The following EPHA6 variants were observed in gnomAD, a reference collection of about 807,000 sequenced individuals.
The protein encoded by EPHA6 is ephrin type-A receptor 6.
A neutral mutation model predicts 112.0 loss-of-function variants in EPHA6; 50 were observed. That is an observed-to-expected ratio of 0.45 (90% CI 0.36 to 0.56). The LOEUF (loss-of-function observed/expected upper bound fraction) is 0.56, where lower values mean the gene tolerates loss of function less well. Among genes scored for constraint, EPHA6 ranks in the 20% least tolerant of loss-of-function variants. The pLI is 0.00. For missense variants in EPHA6, 1,280 were observed against 1,417.4 expected (o/e 0.90, Z 1.56); for synonymous variants, 529 against 490.7 (o/e 1.08, Z -1.03).
chr3:96,843,156 G>T (rs2034852793), intron 1 of EPHA6, among the ~76,000 whole-genome samples: 2 of 151,974 alleles, frequency 1.3e-5, no homozygotes, highest in African/African-American at 4.8e-5. Context: ...TTGTACATGG[G>T]GTTATTACTG....
At chr3:96,857,373 A>G (rs1018408724) in intron 1 of EPHA6, among the ~76,000 whole-genome samples, 6 of 152,144 alleles carry the variant, frequency 3.9e-5, no homozygotes, top group Admixed American at 2.6e-4. Context: ...TCTTTTCTCT[A>G]TATTGAAGCC....
intron 3 of EPHA6, among the ~76,000 whole-genome samples, chr3:97,173,697 G>A (rs1392698): frequency 0.95 from 144,089 of 151,856 alleles, 68,397 homozygotes; most frequent in East Asian, 1. Context: ...CTTTGATTTA[G>A]TGTATAGATT....
chr3:97,418,133 A>T (rs1295616944), intron 6 of EPHA6, among the ~76,000 whole-genome samples: 1 of 151,624 alleles, frequency 6.6e-6, no homozygotes, highest in Non-Finnish European at 1.5e-5. Flanking sequence ...TTAAACTTAT[A>T]AAATTAAATA....
At chr3:97,121,016 C>G (rs1273392230) in intron 3 of EPHA6, among the ~76,000 whole-genome samples, 1 of 151,968 alleles carries the variant, frequency 6.6e-6, no homozygotes, top group African/African-American at 2.4e-5. Flanking sequence ...CAAGATCACA[C>G]AGCTATTCAG....
chr3:97,405,138 C>A lies in EPHA6; in HGVS notation c.1607-12C>A. On this transcript the variant is annotated splice_polypyrimidine_tract_variant and intron_variant, in intron 5 of 17. Transcript: ENST00000389672. ...CTGCCAATTAATTCTTAGTTATTTT[C>A]TTTCCTTTCAGCACCTTCCCTGATA... 1.3e-6 allele frequency: 2 copies of A among 1,577,084 alleles called. No individual in the cohort carries two copies. Among genetic ancestry groups the A allele is most frequent in the South Asian group, 2.3e-5 (2 of 85,744 alleles).
chr3:97,124,731 T>C (rs1342091769), intron 3 of EPHA6, among the ~76,000 whole-genome samples: 1 of 152,056 alleles, frequency 6.6e-6, no homozygotes, highest in African/African-American at 2.4e-5. Flanking sequence ...AATGCAAAAT[T>C]CAGTCATTCT....
At chr3:97,170,036 C>T (rs1381859045) in intron 3 of EPHA6, among the ~76,000 whole-genome samples, 4 of 151,364 alleles carry the variant, frequency 2.6e-5, no homozygotes, top group Admixed American at 1.3e-4. Context: ...ACCTAGATGA[C>T]GGATTGATAG....
chr3:97,551,593 A>T (rs186015137), intron 11 of EPHA6, among the ~76,000 whole-genome samples: 1 of 152,154 alleles, frequency 6.6e-6, no homozygotes, highest in Non-Finnish European at 1.5e-5. Flanking sequence ...TTATTCTAGC[A>T]TAGCCATATA....
chr3:97,337,887 C>T (rs1577020519), intron 5 of EPHA6, among the ~76,000 whole-genome samples: 1 of 152,124 alleles, frequency 6.6e-6, no homozygotes, highest in East Asian at 1.9e-4. Context: ...ACGAGCAACT[C>T]AGTGGGTGGA....
At chr3:97,043,353 C>T (rs1355145324) in intron 3 of EPHA6, among the ~76,000 whole-genome samples, 1 of 152,106 alleles carries the variant, frequency 6.6e-6, no homozygotes, top group East Asian at 1.9e-4. Context: ...CTTTCTGGAA[C>T]TTTATAAGGC....
chr3:96,814,785 G>T lies in EPHA6; in HGVS notation c.162G>T (p.Val54=). ...CCGGGACACCCCCTGCGGGCCGGGT[G>T]GAGGAGGAAGAGGAGGAGGAGGAAG... The part of the protein sequence containing the change: ...GRPGTPPAGR[V]EEEEEEEEED... Residue 54 remains valine (V), a synonymous_variant, in exon 1 of 18, where the codon GTG becomes GTT. Transcript: ENST00000389672. The T allele has an allele frequency of 6.2e-7, 1 of 1,603,796 alleles. No individual in the cohort carries two copies. The highest frequency in any genetic ancestry group is 8.5e-7 in the Non-Finnish European group (1 of 1,174,354).
At chr3:97,706,323 AG>A (rs776105588) in intron 14 of EPHA6, among the ~76,000 whole-genome samples, 1 of 152,220 alleles carries the variant, frequency 6.6e-6, no homozygotes, top group Non-Finnish European at 1.5e-5. Flanking sequence ...CAACAAACAA[AG>A]GACAATAACA....
chr3:97,535,119 T>C (rs1177816261), intron 11 of EPHA6, among the ~76,000 whole-genome samples: 1 of 152,010 alleles, frequency 6.6e-6, no homozygotes, highest in African/African-American at 2.4e-5. Context: ...TCATTTATCC[T>C]ACATCAACTA....
chr3:97,521,824 C>T lies in EPHA6; in HGVS notation c.2201-10534C>T, dbSNP rs545523618. Among the ~76,000 whole-genome samples the T allele has an allele frequency of 1.4e-3, 216 of 150,956 alleles. 1 individual carries two copies. Among genetic ancestry groups the T allele is most frequent in the Middle Eastern group, 6.9e-3 (2 of 290 alleles). On this transcript the variant is annotated intron_variant, in intron 10 of 17. Coordinates refer to ENST00000389672, the MANE Select transcript of EPHA6 (RefSeq NM_001080448.3). Reference sequence around the variant, plus strand: ...GGTTGGGTGATGTGAGTTTAGGTCTCATGCCCCTGAATACAAGGAGTTGAA... The same window carrying T: ...GGTTGGGTGATGTGAGTTTAGGTCTTATGCCCCTGAATACAAGGAGTTGAA...
At chr3:96,817,147 G>T (rs758034475) in intron 1 of EPHA6, among the ~76,000 whole-genome samples, 14 of 151,898 alleles carry the variant, frequency 9.2e-5, no homozygotes, top group Admixed American at 3.3e-4. Context: ...TAAAATTTAG[G>T]TGACTTCTTC....
intron 10 of EPHA6, among the ~76,000 whole-genome samples, chr3:97,503,056 C>G (rs1219053603): frequency 6.6e-6 from 1 of 151,712 alleles, no homozygotes; most frequent in African/African-American, 2.4e-5. Context: ...GAAGATATAA[C>G]TGCTGATAAA....
At chr3:97,175,764 A>G (rs929356488) in intron 3 of EPHA6, among the ~76,000 whole-genome samples, 1 of 151,798 alleles carries the variant, frequency 6.6e-6, no homozygotes, top group Non-Finnish European at 1.5e-5. Context: ...TACTGAATTT[A>G]TCACTTCTAA....
chr3:97,542,168 T>G (rs1577712622), intron 11 of EPHA6, among the ~76,000 whole-genome samples: 1 of 151,942 alleles, frequency 6.6e-6, no homozygotes, highest in East Asian at 1.9e-4. Flanking sequence ...CGTATACATG[T>G]GCCATGTTGG....
rs1185619687 is a variant in EPHA6 at position 97,759,484 on chromosome 3, A to G, written c.*10783A>G. 1 of 229,902 alleles carries G rather than the reference A, an allele frequency of 4.3e-6. No homozygotes were observed. The highest frequency in any genetic ancestry group is 2.2e-5 in the African/African-American group (1 of 45,200). 14.2% of individuals were successfully genotyped at this position (229,902 alleles called of 1,614,324 possible). ...GATGCTACAGCATATTTATCTACTA[A>G]TGAAAATGACTTGGCAGACAGGGGA... On this transcript the variant is annotated 3_prime_UTR_variant, in exon 18 of 18. Coordinates refer to ENST00000389672, the MANE Select transcript of EPHA6 (RefSeq NM_001080448.3).
Sources: allele counts gnomAD v4.1 joint callset (sites outside exome capture counted in the v4.1 genomes callset), GRCh38; gene constraint gnomAD v4.1.1; transcripts MANE v1.5; gene names NCBI Gene and HGNC (gene_info 2026-07-23, HGNC 2026-07-21).